Variants in RASEF observed in about 807,000 individuals in gnomAD.
RASEF encodes ras and EF-hand domain-containing protein.
A neutral mutation model predicts 90.1 loss-of-function variants in RASEF; 68 were observed. That is an observed-to-expected ratio of 0.75 (90% CI 0.62 to 0.92). RASEF has a LOEUF of 0.92. RASEF is among the 40% of genes least tolerant of loss of function. The pLI, the probability that RASEF is intolerant of heterozygous loss-of-function variation, is 0.00. For synonymous variants in RASEF, 331 were observed against 345.2 expected, an observed-to-expected ratio of 0.96 and a Z score of 0.46; for missense variants, 949 against 937.2, an observed-to-expected ratio of 1.01 and a Z score of -0.16.
the RASEF span, among the ~76,000 whole-genome samples, chr9:83,081,411 G>A: frequency 1.3e-5 from 2 of 152,122 alleles, no homozygotes; most frequent in African/African-American, 2.4e-5. Flanking sequence ...TTTTTGTTTT[G>A]TTTTGTTTTA....
chr9:83,049,529 CTTTTTTTTTTTTT>C lies in RASEF; in HGVS notation c.431+12895_431+12907del, dbSNP rs10687615. Among the ~76,000 whole-genome samples, 3 of 99,084 alleles carry C rather than the reference CTTTTTTTTTTTTT, an allele frequency of 3.0e-5. 1 individual carries two copies. The allele number at this position is 99,084 out of a possible 152,430, so 65.0% of individuals were successfully genotyped here. On this transcript the variant is annotated intron_variant, in intron 1 of 16. Coordinates refer to ENST00000376447, the MANE Select transcript of RASEF (RefSeq NM_152573.4). The stretch of plus-strand genomic sequence containing the variant: ...ATGCACAGCCCACCTTTCTGCCTTC[CTTTTTTTTTTTTT>C]TTTTTTTTTTATTATACTCTAAGTT...
the RASEF span, among the ~76,000 whole-genome samples, chr9:83,164,347 G>GTGTGTATATATATATATATA: frequency 6.0e-3 from 775 of 129,746 alleles, 7 homozygotes; most frequent in Middle Eastern, 0.013. Context: ...GTATATGTGT[G>GTGTGTATATATATATATATA]TATATATATA....
chr9:83,195,654 T>C, the RASEF span, among the ~76,000 whole-genome samples: 1 of 151,938 alleles, frequency 6.6e-6, no homozygotes, highest in East Asian at 1.9e-4. Flanking sequence ...TAAAGAAACA[T>C]AGATATGTAA....
intron 9 of RASEF, among the ~76,000 whole-genome samples, chr9:83,004,207 C>T (rs1426168043): frequency 2.6e-5 from 4 of 152,116 alleles, no homozygotes; most frequent in Non-Finnish European, 5.9e-5. Flanking sequence ...CTGCTGGTTT[C>T]CCTGAAACAT....
chr9:83,081,051 C>G, the RASEF span, among the ~76,000 whole-genome samples: 1 of 152,028 alleles, frequency 6.6e-6, no homozygotes, highest in Non-Finnish European at 1.5e-5. Flanking sequence ...CCCCTAAGAC[C>G]TTTCCTGTAT....
intron 1 of RASEF, among the ~76,000 whole-genome samples, chr9:83,061,516 T>C (rs781163488): frequency 1.9e-4 from 29 of 152,162 alleles, no homozygotes; most frequent in Non-Finnish European, 3.8e-4. Flanking sequence ...AGCACTGAAA[T>C]GTGTGTATCG....
Position 82,980,177 on chromosome 9 carries a change from A to G in RASEF, c.*2500T>C, listed in dbSNP as rs1315922564. On this transcript the variant is annotated 3_prime_UTR_variant, in exon 17 of 17. Coordinates refer to ENST00000376447, the MANE Select transcript of RASEF (RefSeq NM_152573.4). The stretch of plus-strand genomic sequence containing the variant: ...TGATTTTAAAATATCTTAAAGAAAA[A>G]CAGGGACAAGGTGAATAACTTCCAT... The G allele has an allele frequency of 6.6e-6, 1 of 152,206 alleles. No homozygotes were observed. The highest frequency in any genetic ancestry group is 1.9e-4 in the East Asian group (1 of 5,200). 9.4% of individuals were successfully genotyped at this position (152,206 alleles called of 1,614,324 possible).
At chr9:83,151,446 T>A in the RASEF span, among the ~76,000 whole-genome samples, 1 of 152,170 alleles carries the variant, frequency 6.6e-6, no homozygotes, top group Admixed American at 6.5e-5. Flanking sequence ...GCAGGTAGGA[T>A]GTAGACTTCT....
the RASEF span, among the ~76,000 whole-genome samples, chr9:83,135,127 CT>C: frequency 6.6e-6 from 1 of 151,968 alleles, no homozygotes; most frequent in Non-Finnish European, 1.5e-5. Flanking sequence ...TACAGGATTT[CT>C]TTGGGGTAGT....
the RASEF span, among the ~76,000 whole-genome samples, chr9:83,113,421 C>A: frequency 6.6e-6 from 1 of 152,094 alleles, no homozygotes; most frequent in Admixed American, 6.6e-5. Context: ...AATCAGTGCA[C>A]CTTAAAAAAG....
At chr9:83,114,117 C>G in the RASEF span, among the ~76,000 whole-genome samples, 1 of 152,122 alleles carries the variant, frequency 6.6e-6, no homozygotes, top group African/African-American at 2.4e-5. Flanking sequence ...AATGGAGGGA[C>G]CAGCTGAAGC....
At chr9:83,095,930 C>A in the RASEF span, among the ~76,000 whole-genome samples, 1 of 152,134 alleles carries the variant, frequency 6.6e-6, no homozygotes, top group Admixed American at 6.5e-5. Context: ...GAGCTCAGGT[C>A]CAGATACTTG....
chr9:83,156,644 C>T, the RASEF span, among the ~76,000 whole-genome samples: 1 of 152,236 alleles, frequency 6.6e-6, no homozygotes, highest in Non-Finnish European at 1.5e-5. Context: ...ACTACCTTCA[C>T]TTAACTAACA....
the RASEF span, among the ~76,000 whole-genome samples, chr9:83,170,717 T>A: frequency 6.6e-6 from 1 of 151,928 alleles, no homozygotes; most frequent in Non-Finnish European, 1.5e-5. Context: ...CTTTTTCGGA[T>A]AGTTCACTAT....
the RASEF span, among the ~76,000 whole-genome samples, chr9:83,194,151 A>G: frequency 1.3e-5 from 2 of 152,124 alleles, no homozygotes; most frequent in Non-Finnish European, 2.9e-5. Flanking sequence ...TAAACTCCAT[A>G]CTGTATTCAG....
chr9:83,076,537 A>C, the RASEF span, among the ~76,000 whole-genome samples: 1 of 151,286 alleles, frequency 6.6e-6, no homozygotes, highest in Non-Finnish European at 1.5e-5. Context: ...ATTTTTAAAG[A>C]TAAGGTAGAT....
Position 82,982,266 on chromosome 9 carries a change from C to T in RASEF, c.*411G>A, listed in dbSNP as rs1828618436. The T allele has an allele frequency of 6.4e-6, 1 of 156,964 alleles. No individual in the cohort carries two copies. Among genetic ancestry groups the T allele is most frequent in the Non-Finnish European group, 1.4e-5 (1 of 71,146 alleles). The allele number at this position is 156,964 out of a possible 1,614,324, so 9.7% of individuals were successfully genotyped here. A position where few individuals can be genotyped will look rare whatever the true frequency, so the allele number is the denominator to read the frequency against. On this transcript the variant is annotated 3_prime_UTR_variant, in exon 17 of 17. Coordinates refer to ENST00000376447, the MANE Select transcript of RASEF (RefSeq NM_152573.4). The stretch of plus-strand genomic sequence containing the variant: ...TAACAGCAAAGCTAGGATGAGAATC[C>T]CTTCTTACTAGAACTTTAGTATCAA...
intron 6 of RASEF, among the ~76,000 whole-genome samples, chr9:83,008,891 C>CCCATAT (rs57817845): frequency 1.0e-4 from 2 of 19,562 alleles, no homozygotes; most frequent in Non-Finnish European, 2.3e-4. Context: ...AAGTTCTCAT[C>CCCATAT]ATATATATAT....
At chr9:83,144,391 G>GGAAGGAAGGAAAGAAA in the RASEF span, among the ~76,000 whole-genome samples, 2 of 33,242 alleles carry the variant, frequency 6.0e-5, no homozygotes, top group South Asian at 2.5e-3. Context: ...AAGAAAGAAA[G>GGAAGGAAGGAAAGAAA]GAAAGAAAGA....
Sources: gnomAD v4.1 joint callset for allele counts (sites outside exome capture counted in the v4.1 genomes callset) on GRCh38, gnomAD v4.1.1 for gene constraint, MANE v1.5 for transcripts, NCBI Gene and HGNC (gene_info 2026-07-23, HGNC 2026-07-21) for gene names.